MTMR14: variants seen among roughly 807,000 people sequenced by gnomAD.
MTMR14 encodes myotubularin related protein 14.
MTMR14 carries 48 observed loss-of-function variants against 86.3 expected under a neutral mutation model. The ratio of observed to expected loss-of-function variants is 0.56; its 90% confidence interval spans 0.44 to 0.71. The LOEUF (loss-of-function observed/expected upper bound fraction) is 0.71, where lower values mean the gene tolerates loss of function less well. MTMR14 is among the 30% of genes least tolerant of loss of function. The probability of loss-of-function intolerance (pLI) is 0.00; values close to 1 mark genes in which losing one functional copy is unlikely to be tolerated. For synonymous variants in MTMR14, 366 were observed against 326.1 expected (o/e 1.12, Z -1.32); for missense variants, 780 against 834.6 (o/e 0.93, Z 0.81).
chr3:9,692,726 C>G (rs530460599), intron 17 of MTMR14, among the ~76,000 whole-genome samples: 4 of 152,224 alleles, frequency 2.6e-5, no homozygotes, highest in Admixed American at 2.6e-4. Flanking sequence ...GTGAAGTTTG[C>G]GGAGGGATGC....
At chr3:9,650,298 C>G (rs1354050106) in intron 1 of MTMR14, 3 of 456,540 alleles carry the variant, frequency 6.6e-6, no homozygotes, top group African/African-American at 6.0e-5. Flanking sequence ...CTCCGTTCCT[C>G]TTTTTGCTCC....
intron 1 of MTMR14, among the ~76,000 whole-genome samples, chr3:9,653,335 A>AAATTACAAAC (rs2047415048): frequency 6.6e-6 from 1 of 152,226 alleles, no homozygotes. Context: ...TATGGGTTGT[A>AAATTACAAAC]GACCTCTTTG....
intron 2 of MTMR14, among the ~76,000 whole-genome samples, chr3:9,661,256 A>C (rs900817006): frequency 6.6e-6 from 1 of 152,202 alleles, no homozygotes; most frequent in Non-Finnish European, 1.5e-5. Context: ...GGTTTCATGG[A>C]AAACAATTTT....
At chr3:9,689,826 G>C in intron 16 of MTMR14, 138 bp from the exon 17 acceptor site, 1 of 825,218 alleles carries the variant, frequency 1.2e-6, no homozygotes, top group Non-Finnish European at 1.9e-6. Flanking sequence ...CCCTGAGCTG[G>C]AGAGAGTGCT....
At chr3:9,653,213 C>T (rs1215147007) in intron 1 of MTMR14, among the ~76,000 whole-genome samples, 2 of 152,144 alleles carry the variant, frequency 1.3e-5, no homozygotes, top group African/African-American at 2.4e-5. Context: ...GCAGCCTGGG[C>T]GACAGAGCGA....
intron 2 of MTMR14, among the ~76,000 whole-genome samples, chr3:9,655,682 C>A (rs1325440961): frequency 6.6e-6 from 1 of 150,792 alleles, no homozygotes; most frequent in Non-Finnish European, 1.5e-5. Flanking sequence ...AGGCTGGTCT[C>A]GAACCCCTGA....
At chr3:9,690,179 C>T (rs1176506791) in intron 17 of MTMR14, 36 bp downstream of exon 17, 1 of 1,609,112 alleles carries the variant, frequency 6.2e-7, no homozygotes, top group Non-Finnish European at 8.5e-7. Context: ...TTGGAAGTGC[C>T]TAGCTTTCCC....
intron 2 of MTMR14, among the ~76,000 whole-genome samples, chr3:9,655,064 C>T (rs1352647173): frequency 6.6e-6 from 1 of 152,088 alleles, no homozygotes; most frequent in Non-Finnish European, 1.5e-5. Flanking sequence ...GTGCTAGGAA[C>T]CCCTAAGCAC....
At chr3:9,650,977 A>T (rs907813938) in intron 1 of MTMR14, among the ~76,000 whole-genome samples, 1 of 152,066 alleles carries the variant, frequency 6.6e-6, no homozygotes, top group Non-Finnish European at 1.5e-5. Context: ...TTTAGTAGAG[A>T]TGGAGTTTCC....
rs150430659 is a variant in MTMR14, at chr3:9,683,614, C to T, written c.964+370C>T. ...GGGCTGCTCAGTGGATGCACACAGC[C>T]TGTAGAGGCCCTGTTCTCCAGAGTC... On this transcript the variant is annotated intron_variant, in intron 10 of 18. Coordinates refer to ENST00000296003, the MANE Select transcript of MTMR14 (RefSeq NM_001077525.3). 3.8e-4 allele frequency: 99 copies of T among 263,176 alleles called. 1 individual carries two copies. Among genetic ancestry groups the T allele is most frequent in the Non-Finnish European group, 6.6e-4 (87 of 131,906 alleles). The allele number at this position is 263,176 out of a possible 1,614,324, so 16.3% of individuals were successfully genotyped here.
At position 9,683,212 on chromosome 3, in the gene MTMR14, T is replaced by C; in HGVS notation, c.932T>C (p.Leu311Pro). 6.2e-7 allele frequency: 1 copy of C among 1,614,228 alleles called. No individual in the cohort carries two copies. Among genetic ancestry groups the C allele is most frequent in the Non-Finnish European group, 8.5e-7 (1 of 1,180,024 alleles). Residue 311 changes from leucine to proline, a missense_variant, in exon 10 of 19, where the codon CTG becomes CCG. Coordinates refer to ENST00000296003, the MANE Select transcript of MTMR14 (RefSeq NM_001077525.3). ...WDLVQQTQNY[L>P]KLLLSLVNSD... ...CTGGTGCAACAAACACAAAACTACC[T>C]GAAGCTGCTGCTTTCCTTAGTTAAC...
chr3:9,656,734 C>T (rs1408987927), intron 2 of MTMR14, among the ~76,000 whole-genome samples: 1 of 151,632 alleles, frequency 6.6e-6, no homozygotes, highest in Non-Finnish European at 1.5e-5. Flanking sequence ...ACTTAGTTTC[C>T]GTAAATCTTT....
intron 1 of MTMR14, among the ~76,000 whole-genome samples, chr3:9,651,176 A>G (rs1190024769): frequency 1.3e-5 from 2 of 152,004 alleles, no homozygotes; most frequent in African/African-American, 4.8e-5. Context: ...ACCATGACTT[A>G]CTGCAGCCTC....
At chr3:9,687,129 A>T (rs1441850812) in intron 13 of MTMR14, among the ~76,000 whole-genome samples, 1 of 152,150 alleles carries the variant, frequency 6.6e-6, no homozygotes, top group Non-Finnish European at 1.5e-5. Context: ...CGCCCAAGTC[A>T]TCTCTCCCGC....
intron 18 of MTMR14, chr3:9,699,570 T>G (rs1005125820): frequency 6.6e-6 from 1 of 152,266 alleles, no homozygotes; most frequent in Non-Finnish European, 1.5e-5. Context: ...ACCAGCTGTA[T>G]CTTCAAGTGT....
intron 5 of MTMR14, among the ~76,000 whole-genome samples, chr3:9,670,480 G>A (rs1057472709): frequency 6.6e-5 from 10 of 152,228 alleles, no homozygotes; most frequent in Admixed American, 4.6e-4. Flanking sequence ...TGATCAAAAG[G>A]CAGCAGTGAG....
At chr3:9,657,039 A>G (rs868541046) in intron 2 of MTMR14, among the ~76,000 whole-genome samples, 3 of 152,082 alleles carry the variant, frequency 2.0e-5, no homozygotes, top group African/African-American at 7.2e-5. Flanking sequence ...CAGCCTCCCA[A>G]GTAGCTGGGA....
chr3:9,697,688 C>G lies in MTMR14; in HGVS notation c.1614-23C>G, dbSNP rs199800948. 1.0e-4 allele frequency: 164 copies of G among 1,611,232 alleles called. No homozygotes were observed. In the Admixed American group the frequency reaches 2.7e-3, roughly 27 times the overall value. On this transcript the variant is annotated intron_variant, in intron 17 of 18. Coordinates refer to ENST00000296003, the MANE Select transcript of MTMR14 (RefSeq NM_001077525.3). The stretch of plus-strand genomic sequence containing the variant: ...GCATATGACTGACTGCATCCTCTCC[C>G]CTCTCTCTCCTCTCTGCCCCAGATC...
At chr3:9,672,578 T>G in intron 6 of MTMR14, 107 bp from the exon 7 acceptor site, 1 of 996,182 alleles carries the variant, frequency 1.0e-6, no homozygotes, top group Non-Finnish European at 1.6e-6. Flanking sequence ...TGAAGAATAG[T>G]TTTTTTTAGC....
Sources: allele counts gnomAD v4.1 joint callset (sites outside exome capture counted in the v4.1 genomes callset), GRCh38; gene constraint gnomAD v4.1.1; transcripts MANE v1.5; gene names NCBI Gene and HGNC (gene_info 2026-07-23, HGNC 2026-07-21).